The following ATAD2 variants were observed in gnomAD, a reference collection of about 807,000 sequenced individuals.
ATAD2 encodes the protein ATPase family AAA domain-containing protein 2.
In ATAD2, 62 loss-of-function variants were observed where a neutral mutation model predicts 168.9. The ratio of observed to expected loss-of-function variants is 0.37; its 90% confidence interval spans 0.30 to 0.45. The LOEUF (loss-of-function observed/expected upper bound fraction) is 0.45. Ranked by LOEUF, ATAD2 falls within the 20% of genes least tolerant of loss-of-function variation. The pLI is 1.00. For synonymous variants in ATAD2, 613 were observed against 571.6 expected (o/e 1.07, Z -1.03); for missense variants, 1,419 against 1,667.8 (o/e 0.85, Z 2.60).
At chr8:123,338,116 G>A (rs1563837415) in intron 20 of ATAD2, among the ~76,000 whole-genome samples, 2 of 152,166 alleles carry the variant, frequency 1.3e-5, no homozygotes, top group Admixed American at 1.3e-4. Context: ...CAGCACTTTG[G>A]GAGGCCGAGG....
At chr8:123,326,166 TATAAG>T in intron 25 of ATAD2, 140 bp from the exon 26 acceptor site, 1 of 890,578 alleles carries the variant, frequency 1.1e-6, no homozygotes, top group South Asian at 1.8e-5. Context: ...CTCATTCTGT[TATAAG>T]ATTAAGATAC....
rs143969341 is a variant in ATAD2, at chr8:123,347,179, G to A, written c.2125C>T (p.Leu709=). 1.3e-3 allele frequency: 2,071 copies of A among 1,614,172 alleles called. 8 individuals are homozygous for A. The Middle Eastern group carries it at 0.014, about 11-fold the overall frequency. The part of the protein sequence containing the change: ...QALSTVVKPL[L]QNTVDKILEA... ...AAAATCTTGTCAACAGTGTTTTGCA[G>A]GAGTGGTTTCACAACGGTGGACAGT... The change falls in exon 16 of 28, where the codon CTG becomes TTG. Residue 709 remains leucine (L), a synonymous_variant. Transcript: ENST00000287394.
chr8:123,389,876 A>G (rs1829765439), intron 1 of ATAD2, among the ~76,000 whole-genome samples: 1 of 149,022 alleles, frequency 6.7e-6, no homozygotes, highest in Non-Finnish European at 1.5e-5. Flanking sequence ...AATAGTTTAT[A>G]AACAGGAGAA....
chr8:123,339,096 GA>G lies in ATAD2; in HGVS notation c.2854+214del, dbSNP rs1563837883. ...AACACAAGTGCCCAAAATGAGCTTA[GA>G]AAGATAGATTGGGGCTATACTATGA... is the stretch of plus-strand genomic sequence containing the variant. On this transcript the variant is annotated intron_variant, in intron 20 of 27. Transcript: ENST00000287394. Among the ~76,000 whole-genome samples, 3 of 152,246 alleles carry G rather than the reference GA, an allele frequency of 2.0e-5. No individual in the cohort carries two copies. The South Asian group carries it at 6.2e-4, about 32-fold the overall frequency.
At chr8:123,328,148 T>A in intron 25 of ATAD2, 42 bp downstream of exon 25, 3 of 1,327,352 alleles carry the variant, frequency 2.3e-6, no homozygotes, top group Non-Finnish European at 2.9e-6. Flanking sequence ...CTTTGAAATA[T>A]CTTTTAAAAT....
chr8:123,369,286 G>A, intron 7 of ATAD2, 111 bp from the exon 8 acceptor site: 1 of 283,408 alleles, frequency 3.5e-6, no homozygotes, highest in Non-Finnish European at 5.9e-6. Flanking sequence ...GGTGCTTATC[G>A]CCTTCCATGA....
intron 22 of ATAD2, among the ~76,000 whole-genome samples, 183 bp downstream of exon 22, chr8:123,336,190 T>C (rs1827908479): frequency 1.3e-5 from 2 of 152,186 alleles, no homozygotes; most frequent in African/African-American, 4.8e-5. Flanking sequence ...TTCCTGGAAG[T>C]GTGACCTTCA....
rs996010665 is a variant in ATAD2 at position 123,402,256 on chromosome 8, GTCTGTGACCCC to G, written c.-2281-1092_-2281-1082del. ...GAGAGAGGAGGCGAAGTTGTGAGGG[GTCTGTGACCCC>G]TCGCTGGGCATCCCCTGCAGAGTCA... On this transcript the variant is annotated intron_variant, in intron 1 of 28. Transcript: ENST00000521903. This position sits in a 1 kb window ranked among gnomAD's most constrained non-coding sequence, Gnocchi z 4.8. 6.6e-6 allele frequency among the ~76,000 whole-genome samples: 1 copy of G among 152,100 alleles called. No homozygotes were observed. Among genetic ancestry groups the G allele is most frequent in the African/African-American group, 2.4e-5 (1 of 41,430 alleles).
chr8:123,372,563 G>A (rs1586891914), intron 3 of ATAD2, 74 bp downstream of exon 3: 3 of 1,140,648 alleles, frequency 2.6e-6, no homozygotes, highest in Non-Finnish European at 3.7e-6. Context: ...ATTTATTGTA[G>A]GTACCTCAAA....
intron 20 of ATAD2, 57 bp downstream of exon 20, chr8:123,339,254 T>C: frequency 7.3e-7 from 1 of 1,374,344 alleles, no homozygotes; most frequent in Non-Finnish European, 9.9e-7. Context: ...TGCCATTAAC[T>C]ATTTCATTCC....
At chr8:123,405,778 G>A (rs1276110548) in intron 1 of ATAD2, among the ~76,000 whole-genome samples, 5 of 152,120 alleles carry the variant, frequency 3.3e-5, no homozygotes, top group African/African-American at 7.2e-5. Flanking sequence ...TGGACACACC[G>A]TATTTTATTT....
chr8:123,412,300 G>T (rs1813170335), intron 1 of ATAD2, among the ~76,000 whole-genome samples: 1 of 152,174 alleles, frequency 6.6e-6, no homozygotes, highest in African/African-American at 2.4e-5. Flanking sequence ...CTTTGTTACA[G>T]CAATGTCACC....
chr8:123,361,308 C>T (rs1484648927), intron 9 of ATAD2, among the ~76,000 whole-genome samples: 1 of 145,580 alleles, frequency 6.9e-6, no homozygotes, highest in Non-Finnish European at 1.5e-5. Flanking sequence ...CAGAACCAGG[C>T]CCTGTCTCAA....
At chr8:123,394,865 G>T (rs1487192045) in intron 1 of ATAD2, among the ~76,000 whole-genome samples, 1 of 152,192 alleles carries the variant, frequency 6.6e-6, no homozygotes, top group Non-Finnish European at 1.5e-5. Context: ...TTAAAGTCAG[G>T]AAATTACTTG....
chr8:123,407,848 G>A (rs1475761289), intron 1 of ATAD2, among the ~76,000 whole-genome samples: 2 of 88,742 alleles, frequency 2.3e-5, no homozygotes, highest in South Asian at 6.1e-4. Context: ...GTGAGACTCC[G>A]TCTCAAAAAA....
At chr8:123,413,272 T>C (rs1813189603) in intron 1 of ATAD2, among the ~76,000 whole-genome samples, 1 of 139,562 alleles carries the variant, frequency 7.2e-6, no homozygotes, top group South Asian at 2.5e-4. Context: ...TCTTTCCAAA[T>C]GCCCAAATTA....
chr8:123,377,091 C>CAAA lies in ATAD2; in HGVS notation c.320+3435_320+3437dup, dbSNP rs58655606. ...GGGCAAAAAGAGTGAGACTCCGTCT[C>CAAA]AAAAAAAAAAAAAAAAAAAAAGAGC... On this transcript the variant is annotated intron_variant, in intron 2 of 27. Transcript: ENST00000287394. Among the ~76,000 whole-genome samples the CAAA allele has an allele frequency of 4.0e-3, 108 of 27,244 alleles. 12 individuals are homozygous for CAAA. The highest frequency in any genetic ancestry group is 0.014 in the African/African-American group (83 of 5,800). 17.9% of individuals were successfully genotyped at this position (27,244 alleles called of 152,430 possible). A position where few individuals can be genotyped will look rare whatever the true frequency, so the allele number is the denominator to read the frequency against.
rs964352740 is a variant in ATAD2, at chr8:123,403,550, C to A, written c.-2281-2375G>T. Among the ~76,000 whole-genome samples, 6 of 152,220 alleles carry A rather than the reference C, an allele frequency of 3.9e-5. No individual in the cohort carries two copies. The East Asian group carries it at 1.2e-3, about 29-fold the overall frequency. On this transcript the variant is annotated intron_variant, in intron 1 of 28. Coordinates refer to the ATAD2 transcript ENST00000521903. The stretch of plus-strand genomic sequence containing the variant: ...CTCCTGGATTCAACCAATCCTCCCA[C>A]CTCAGCCTCCTGAGTAGCTGGGACT...
rs574594517 is a variant in ATAD2 at position 123,415,999 on chromosome 8, T to C, written c.-2282+249A>G. ...ATACCATATGGACTCTTTAAACTTT[T>C]TTTTTTCAAATTTACTGTATCAGGG... On this transcript the variant is annotated intron_variant, in intron 1 of 28. Transcript: ENST00000521903. Among the ~76,000 whole-genome samples, 5 of 152,320 alleles carry C rather than the reference T, an allele frequency of 3.3e-5. No individual in the cohort carries two copies. In the East Asian group the frequency reaches 9.6e-4, roughly 29 times the overall value.
Sources: allele counts gnomAD v4.1 joint callset (sites outside exome capture counted in the v4.1 genomes callset), GRCh38; gene constraint gnomAD v4.1.1; non-coding constraint Gnocchi (gnomAD v3.1); transcripts MANE v1.5; gene names NCBI Gene and HGNC (gene_info 2026-07-23, HGNC 2026-07-21).